ADARB1: variants seen among roughly 807,000 people sequenced by gnomAD.
ADARB1 encodes double-stranded RNA-specific editase 1.
In ADARB1, 10 loss-of-function variants were observed where a neutral mutation model predicts 52.4. The ratio of observed to expected loss-of-function variants is 0.19; its 90% CI spans 0.12 to 0.32. The LOEUF (loss-of-function observed/expected upper bound fraction) is 0.32. ADARB1 is among the 10% of genes least tolerant of loss of function. The pLI, the probability that ADARB1 is intolerant of heterozygous loss-of-function variation, is 1.00. For synonymous variants in ADARB1, 349 were observed against 371.1 expected, an observed-to-expected ratio of 0.94 and a Z score of 0.68; for missense variants, 643 against 922.3, an observed-to-expected ratio of 0.70 and a Z score of 3.92.
At chr21:45,137,483 T>C (rs969804504) in intron 2 of ADARB1, among the ~76,000 whole-genome samples, 3 of 152,206 alleles carry the variant, frequency 2.0e-5, no homozygotes, top group African/African-American at 7.2e-5. Context: ...TGGGTGGCCC[T>C]TCGGGTGTGC....
chr21:45,203,965 CTAA>C (rs2092615664), intron 8 of ADARB1, among the ~76,000 whole-genome samples: 1 of 152,148 alleles, frequency 6.6e-6, no homozygotes. Flanking sequence ...TTAACAGTCA[CTAA>C]TAATAAAATA....
chr21:45,224,092 ACT>A lies in ADARB1; in HGVS notation c.*1898_*1899del, dbSNP rs1039821143. ...CTTTCCCCCAAGCAGGCTCTTGCAC[ACT>A]CTAGAAAAAACACCTTGTAAGTCTG... On this transcript the variant is annotated 3_prime_UTR_variant, in exon 11 of 11. Coordinates refer to ENST00000348831, the MANE Select transcript of ADARB1 (RefSeq NM_001112.4). The A allele has an allele frequency of 1.8e-5, 18 of 985,180 alleles. No homozygotes were observed. The African/African-American group carries it at 3.1e-4, about 17-fold the overall frequency. The allele number at this position is 985,180 out of a possible 1,614,324, so 61.0% of individuals were successfully genotyped here. A position where few individuals can be genotyped will look rare whatever the true frequency, so the allele number is the denominator to read the frequency against.
Position 45,221,791 on chromosome 21 carries a change from T to A in ADARB1, c.1927-227T>A, listed in dbSNP as rs1429006288. Among the ~76,000 whole-genome samples, 1 of 152,240 alleles carries A rather than the reference T, an allele frequency of 6.6e-6. No homozygotes were observed. The highest frequency in any genetic ancestry group is 2.4e-5 in the African/African-American group (1 of 41,458). On this transcript the variant is annotated intron_variant, in intron 10 of 10. Coordinates refer to ENST00000348831, the MANE Select transcript of ADARB1 (RefSeq NM_001112.4). This position sits in a 1 kb window ranked among gnomAD's most constrained non-coding sequence, Gnocchi z 4.9. Reference sequence around the variant, plus strand: ...TCTTCAGAACTCGGGGGTCTGTAGCTGCCTGTTTGACCAGCAAGACTGGAA... The same window carrying A: ...TCTTCAGAACTCGGGGGTCTGTAGCAGCCTGTTTGACCAGCAAGACTGGAA...
At chr21:45,076,198 A>G (rs1349857298) in intron 1 of ADARB1, among the ~76,000 whole-genome samples, 4 of 152,348 alleles carry the variant, frequency 2.6e-5, no homozygotes, top group South Asian at 4.1e-4. Flanking sequence ...GGGAGAAGGA[A>G]GAAAGGATAA....
intron 1 of ADARB1, among the ~76,000 whole-genome samples, chr21:45,123,673 T>A (rs2145808040): frequency 6.6e-6 from 1 of 152,256 alleles, no homozygotes; most frequent in African/African-American, 2.4e-5. Flanking sequence ...GGATTATGGC[T>A]CACTGCAGCC....
chr21:45,140,175 T>C (rs1237853850), intron 2 of ADARB1, among the ~76,000 whole-genome samples: 1 of 152,088 alleles, frequency 6.6e-6, no homozygotes, highest in African/African-American at 2.4e-5. Context: ...ACTCCTGACC[T>C]CGGGTGATCC....
At chr21:45,187,414 T>C (rs541538515) in intron 8 of ADARB1, among the ~76,000 whole-genome samples, 2 of 152,200 alleles carry the variant, frequency 1.3e-5, no homozygotes, top group South Asian at 2.1e-4. Flanking sequence ...TTTTATGGAA[T>C]CTTTAGGGTT....
chr21:45,135,032 T>G (rs1289379229), intron 2 of ADARB1, among the ~76,000 whole-genome samples: 1 of 152,126 alleles, frequency 6.6e-6, no homozygotes, highest in East Asian at 1.9e-4. Flanking sequence ...TTTTACATTT[T>G]TAAGGAGTTA....
rs1406793573 is a variant in ADARB1, at chr21:45,220,588, C to T, written c.1748-248C>T. Reference sequence around the variant, plus strand: ...TCAATCTTCTGCCCACCTGCCCTGTCAGACAAGTGCATACCCGTGGGTCAG... The same window carrying T: ...TCAATCTTCTGCCCACCTGCCCTGTTAGACAAGTGCATACCCGTGGGTCAG... On this transcript the variant is annotated intron_variant, in intron 9 of 10. Transcript: ENST00000348831. The surrounding 1 kb of genome is among the most constrained non-coding windows in gnomAD (Gnocchi z 6.3). 6.6e-6 allele frequency among the ~76,000 whole-genome samples: 1 copy of T among 152,218 alleles called. No homozygotes were observed. Among genetic ancestry groups the T allele is most frequent in the Non-Finnish European group, 1.5e-5 (1 of 68,036 alleles).
chr21:45,163,260 G>A (rs1387565283), intron 2 of ADARB1, among the ~76,000 whole-genome samples: 1 of 152,214 alleles, frequency 6.6e-6, no homozygotes, highest in African/African-American at 2.4e-5. Flanking sequence ...GATGTGTTTT[G>A]GAGAAAGTGG....
At chr21:45,149,106 A>G (rs2090153384) in intron 2 of ADARB1, among the ~76,000 whole-genome samples, 1 of 152,196 alleles carries the variant, frequency 6.6e-6, no homozygotes, top group Admixed American at 6.5e-5. Flanking sequence ...TCCTGGGTGC[A>G]ACAACATGGG....
intron 2 of ADARB1, among the ~76,000 whole-genome samples, chr21:45,132,822 T>TA (rs1262702632): frequency 6.6e-6 from 1 of 152,188 alleles, no homozygotes; most frequent in Non-Finnish European, 1.5e-5. Flanking sequence ...AGATGTTACC[T>TA]AGAGAGTGTT....
Position 45,225,130 on chromosome 21 carries a change from T to G in ADARB1, c.*2933T>G. 9.9e-7 allele frequency: 1 copy of G among 1,011,402 alleles called. No homozygotes were observed. Among genetic ancestry groups the G allele is most frequent in the Non-Finnish European group, 1.2e-6 (1 of 847,992 alleles). The allele number at this position is 1,011,402 out of a possible 1,614,324, so 62.7% of individuals were successfully genotyped here. Reference sequence around the variant, plus strand: ...TGAAGTATTAATTCCACAAAGACACTGTCCCTCAGGACCACTCAGGTACAG... The same window carrying G: ...TGAAGTATTAATTCCACAAAGACACGGTCCCTCAGGACCACTCAGGTACAG... On this transcript the variant is annotated 3_prime_UTR_variant, in exon 11 of 11. Transcript: ENST00000348831.
At chr21:45,179,469 C>G (rs2091840027) in intron 4 of ADARB1, among the ~76,000 whole-genome samples, 1 of 152,214 alleles carries the variant, frequency 6.6e-6, no homozygotes, top group Non-Finnish European at 1.5e-5. Context: ...TAACACCCAC[C>G]TCCCAGCAGA....
intron 1 of ADARB1, among the ~76,000 whole-genome samples, chr21:45,079,202 A>G (rs1428591222): frequency 6.6e-6 from 1 of 152,208 alleles, no homozygotes; most frequent in Non-Finnish European, 1.5e-5. Context: ...TTGCATCATC[A>G]TTTCTTATGC....
At chr21:45,149,702 A>G (rs910948382) in intron 2 of ADARB1, among the ~76,000 whole-genome samples, 1 of 152,250 alleles carries the variant, frequency 6.6e-6, no homozygotes, top group Non-Finnish European at 1.5e-5. Flanking sequence ...ATAAGTGCAT[A>G]TATCTCCCAT....
intron 2 of ADARB1, among the ~76,000 whole-genome samples, chr21:45,129,739 C>G (rs894837188): frequency 6.6e-6 from 1 of 152,032 alleles, no homozygotes; most frequent in African/African-American, 2.4e-5. Flanking sequence ...GGGGCGGTCA[C>G]CAGGGCGTGA....
chr21:45,138,749 C>G, intron 2 of ADARB1, among the ~76,000 whole-genome samples: 1 of 152,260 alleles, frequency 6.6e-6, no homozygotes, highest in Non-Finnish European at 1.5e-5. Flanking sequence ...CTTACCAAGC[C>G]TGAAACCACG....
chr21:45,216,341 C>T (rs373603635), intron 9 of ADARB1, among the ~76,000 whole-genome samples: 1 of 151,246 alleles, frequency 6.6e-6, no homozygotes, highest in South Asian at 2.1e-4. Flanking sequence ...CTTTTTTTTC[C>T]GCTTACCTGG....
Sources: gnomAD v4.1 joint callset for allele counts (sites outside exome capture counted in the v4.1 genomes callset) on GRCh38, gnomAD v4.1.1 for gene constraint, Gnocchi (gnomAD v3.1) non-coding constraint, MANE v1.5 for transcripts, NCBI Gene and HGNC (gene_info 2026-07-23, HGNC 2026-07-21) for gene names.